Variants in CDH13 observed in about 807,000 individuals in gnomAD.
CDH13 encodes the protein cadherin 13.
A neutral mutation model predicts 63.8 loss-of-function variants in CDH13; 24 were observed. That is an observed-to-expected ratio of 0.38 (90% CI 0.27 to 0.53). CDH13 has a LOEUF of 0.53. CDH13 is among the 20% of genes least tolerant of loss of function. CDH13 has a pLI of 0.85. For missense variants in CDH13, 1,049 were observed against 903.1 expected, an observed-to-expected ratio of 1.16 and a Z score of -2.07; for synonymous variants, 503 against 355.3, an observed-to-expected ratio of 1.42 and a Z score of -4.67.
intron 4 of CDH13, among the ~76,000 whole-genome samples, chr16:83,197,164 T>C (rs2038900801): frequency 6.6e-6 from 1 of 152,180 alleles, no homozygotes; most frequent in Admixed American, 6.5e-5. Flanking sequence ...GGAATTATGC[T>C]GAATGAAAAT....
At chr16:83,509,261 G>C (rs2074498757) in intron 7 of CDH13, among the ~76,000 whole-genome samples, 1 of 152,202 alleles carries the variant, frequency 6.6e-6, no homozygotes, top group African/African-American at 2.4e-5. Flanking sequence ...ATGATATGTG[G>C]AACATGCCAT....
At chr16:83,704,256 C>G (rs1184365938) in intron 10 of CDH13, among the ~76,000 whole-genome samples, 1 of 152,196 alleles carries the variant, frequency 6.6e-6, no homozygotes, top group African/African-American at 2.4e-5. Context: ...TTCATTCAGT[C>G]AGGTTAGGTT....
intron 10 of CDH13, among the ~76,000 whole-genome samples, chr16:83,701,631 C>T (rs1454132400): frequency 6.6e-6 from 1 of 152,178 alleles, no homozygotes; most frequent in Non-Finnish European, 1.5e-5. Context: ...TGCCTCTGTG[C>T]TAGGGTTTCT....
chr16:83,718,755 G>T (rs142562868), intron 10 of CDH13, among the ~76,000 whole-genome samples: 1 of 152,180 alleles, frequency 6.6e-6, no homozygotes, highest in African/African-American at 2.4e-5. Context: ...TCAGCCCCTA[G>T]CTTCTGCAGC....
intron 7 of CDH13, among the ~76,000 whole-genome samples, chr16:83,564,773 G>A (rs1442106809): frequency 6.6e-6 from 1 of 152,186 alleles, no homozygotes; most frequent in Non-Finnish European, 1.5e-5. Flanking sequence ...AGGGATCAGG[G>A]ATAGTCTGTG....
At chr16:82,932,832 A>C (rs1265450954) in intron 2 of CDH13, among the ~76,000 whole-genome samples, 1 of 152,238 alleles carries the variant, frequency 6.6e-6, no homozygotes, top group African/African-American at 2.4e-5. Flanking sequence ...TAATAGGAAC[A>C]AATGTAAGAT....
At position 83,112,419 on chromosome 16, in the gene CDH13, G is replaced by C. The variant is rs140711105; in HGVS notation, c.367-12966G>C. On this transcript the variant is annotated intron_variant, in intron 3 of 13. Coordinates refer to ENST00000567109, the MANE Select transcript of CDH13 (RefSeq NM_001257.5). ...GAGAAAAAGAGAGAGGAAGTTCTTG[G>C]TGATTAGAAATTTGTGTTTCTGTGC... Among the ~76,000 whole-genome samples the C allele has an allele frequency of 3.8e-3, 579 of 152,330 alleles. 7 individuals are homozygous for C. The highest frequency in any genetic ancestry group is 0.013 in the African/African-American group (550 of 41,578).
chr16:82,999,734 G>C (rs1912656392), intron 2 of CDH13, among the ~76,000 whole-genome samples: 1 of 152,158 alleles, frequency 6.6e-6, no homozygotes, highest in South Asian at 2.1e-4. Flanking sequence ...CGAAGGGCAA[G>C]GACCCCTCTC....
At chr16:83,037,442 C>T (rs1009297798) in intron 3 of CDH13, among the ~76,000 whole-genome samples, 1 of 152,146 alleles carries the variant, frequency 6.6e-6, no homozygotes, top group Non-Finnish European at 1.5e-5. Flanking sequence ...GAGATGAGAG[C>T]ATCAGTTAGA....
At chr16:83,654,279 T>C (rs1417697677) in intron 8 of CDH13, among the ~76,000 whole-genome samples, 1 of 152,106 alleles carries the variant, frequency 6.6e-6, no homozygotes, top group East Asian at 1.9e-4. Flanking sequence ...ACCAACCTGA[T>C]ACATCTATAA....
intron 1 of CDH13, among the ~76,000 whole-genome samples, chr16:82,779,554 G>A (rs750153397): frequency 3.9e-5 from 6 of 152,254 alleles, no homozygotes; most frequent in Admixed American, 6.5e-5. Flanking sequence ...TCCAAGGGGC[G>A]GAGCGGGAGA....
intron 7 of CDH13, among the ~76,000 whole-genome samples, chr16:83,601,877 G>A (rs140726786): frequency 2.9e-4 from 44 of 151,756 alleles, no homozygotes; most frequent in African/African-American, 1.0e-3. Flanking sequence ...GGCAGATCAC[G>A]AGGTCAGGAG....
chr16:82,788,475 C>G (rs1410807364), intron 1 of CDH13, among the ~76,000 whole-genome samples: 1 of 152,152 alleles, frequency 6.6e-6, no homozygotes, highest in Non-Finnish European at 1.5e-5. Context: ...CTCAGAAGAC[C>G]CTCCCTCCAT....
rs201091109 is a variant in CDH13, at chr16:82,743,171, TG to T, written c.46-115188del. ...GAACAATACTTTTGTCTTTATCTTC[TG>T]GGCAAAACCAGTTTTGAACAACAGT... is the stretch of plus-strand genomic sequence containing the variant. On this transcript the variant is annotated intron_variant, in intron 1 of 13. Transcript: ENST00000567109. 9.3e-3 allele frequency among the ~76,000 whole-genome samples: 1,421 copies of T among 152,352 alleles called. 29 individuals are homozygous for T. The highest frequency in any genetic ancestry group is 0.033 in the African/African-American group (1,363 of 41,576).
intron 2 of CDH13, among the ~76,000 whole-genome samples, chr16:82,933,441 A>G (rs905300860): frequency 2.6e-5 from 4 of 152,314 alleles, no homozygotes; most frequent in Middle Eastern, 3.4e-3. Context: ...CGTGGGGATT[A>G]CAATTCAGAT....
intron 10 of CDH13, among the ~76,000 whole-genome samples, chr16:83,707,711 G>A (rs1054787377): frequency 7.9e-5 from 12 of 151,590 alleles, no homozygotes; most frequent in Non-Finnish European, 1.5e-4. Flanking sequence ...TCTGGTGGCC[G>A]TTCAATAAAA....
At position 83,316,075 on chromosome 16, in the gene CDH13, C is replaced by T. The variant is rs542533300; in HGVS notation, c.637-28787C>T. On this transcript the variant is annotated intron_variant, in intron 5 of 13. Coordinates refer to ENST00000567109, the MANE Select transcript of CDH13 (RefSeq NM_001257.5). ...TGGAAGGGGAAGGAAACACGTCCTT[C>T]ACATGGTGGCAGGAGAGAGAAGTGC... Among the ~76,000 whole-genome samples, 3 of 152,224 alleles carry T rather than the reference C, an allele frequency of 2.0e-5. No individual in the cohort carries two copies. The South Asian group carries it at 6.2e-4, about 32-fold the overall frequency.
chr16:83,697,589 G>T (rs1177422066), intron 10 of CDH13, among the ~76,000 whole-genome samples: 1 of 152,208 alleles, frequency 6.6e-6, no homozygotes, highest in Non-Finnish European at 1.5e-5. Context: ...GCCGTGTATT[G>T]ATGAGTTGAC....
At chr16:83,678,535 G>A (rs1915151116) in intron 10 of CDH13, 74 bp downstream of exon 10, 1 of 1,559,106 alleles carries the variant, frequency 6.4e-7, no homozygotes, top group Admixed American at 1.8e-5. Context: ...GCAGAAGCTG[G>A]TTGTCAGGAG....
Sources: allele counts gnomAD v4.1 joint callset (sites outside exome capture counted in the v4.1 genomes callset), GRCh38; gene constraint gnomAD v4.1.1; transcripts MANE v1.5; gene names NCBI Gene and HGNC (gene_info 2026-07-23, HGNC 2026-07-21).